The following PPFIBP2 variants were observed in gnomAD, a reference collection of about 807,000 sequenced individuals.
PPFIBP2 encodes PPFIB scaffold protein 2, also known as liprin-beta-2.
Under a neutral mutation model 118.3 loss-of-function variants are expected in PPFIBP2, and 118 were observed. The observed-to-expected ratio is 1.00, with a 90% confidence interval of 0.86 to 1.16. The LOEUF (loss-of-function observed/expected upper bound fraction) is 1.16, where lower values mean the gene tolerates loss of function less well. PPFIBP2 is among the 50% of genes most tolerant of loss of function. PPFIBP2 has a pLI of 0.00. For missense variants in PPFIBP2, 1,195 were observed against 1,073.1 expected (o/e 1.11, Z -1.59); for synonymous variants, 414 against 397.4 (o/e 1.04, Z -0.50).
At chr11:7,605,838 A>G (rs1462160624) in intron 5 of PPFIBP2, 2 of 1,383,216 alleles carry the variant, frequency 1.4e-6, no homozygotes, top group Non-Finnish European at 1.9e-6. Context: ...AAGCAAAGCA[A>G]ACACATTCTG....
At chr11:7,607,725 TC>T (rs975869626) in intron 5 of PPFIBP2, among the ~76,000 whole-genome samples, 15 of 152,212 alleles carry the variant, frequency 9.9e-5, no homozygotes, top group African/African-American at 3.4e-4. Flanking sequence ...TTGTTCCTTT[TC>T]CCCTTTGCAT....
chr11:7,660,860 C>T (rs1291039846), downstream of PPFIBP2, among the ~76,000 whole-genome samples: 1 of 151,826 alleles, frequency 6.6e-6, no homozygotes, highest in Admixed American at 6.6e-5. Context: ...TCAACTTCTT[C>T]CTGGTTTAGT....
chr11:7,572,925 G>A (rs964819765), intron 3 of PPFIBP2, among the ~76,000 whole-genome samples: 8 of 152,112 alleles, frequency 5.3e-5, no homozygotes, highest in African/African-American at 1.9e-4. Flanking sequence ...GATTGCAGTT[G>A]TGCACCACCA....
Position 7,642,397 on chromosome 11 carries a change from T to C in PPFIBP2, c.1617T>C (p.Ser539=). ...GLRATAGPRL[S]RTRDSKGQKS... ...GGGCAACCGCAGGGCCAAGACTCTC[T>C]AGGACCAGGGACTCCAAGGGACAGA... Residue 539 remains serine (S), a synonymous_variant, in exon 17 of 24, where the codon TCT becomes TCC. Coordinates refer to ENST00000299492, the MANE Select transcript of PPFIBP2 (RefSeq NM_003621.5). 1 of 1,613,958 alleles carries C rather than the reference T, an allele frequency of 6.2e-7. No individual in the cohort carries two copies. Among genetic ancestry groups the C allele is most frequent in the Non-Finnish European group, 8.5e-7 (1 of 1,179,900 alleles).
intron 8 of PPFIBP2, among the ~76,000 whole-genome samples, chr11:7,627,070 G>A (rs1850118077): frequency 6.6e-6 from 1 of 152,216 alleles, no homozygotes; most frequent in African/African-American, 2.4e-5. Flanking sequence ...AGTGCCCCAT[G>A]CCACAACTTC....
chr11:7,522,863 T>G (rs1474940329), intron 1 of PPFIBP2, among the ~76,000 whole-genome samples: 1 of 152,200 alleles, frequency 6.6e-6, no homozygotes, highest in African/African-American at 2.4e-5. Flanking sequence ...TGTATTAATT[T>G]TCTTCTGGGA....
At chr11:7,629,894 T>C (rs1044697626) in intron 10 of PPFIBP2, among the ~76,000 whole-genome samples, 1 of 152,202 alleles carries the variant, frequency 6.6e-6, no homozygotes, top group Non-Finnish European at 1.5e-5. Flanking sequence ...TCATTGGGGA[T>C]TAGAGCTCAT....
intron 9 of PPFIBP2, among the ~76,000 whole-genome samples, chr11:7,628,911 G>C (rs374706014): frequency 3.3e-5 from 5 of 152,224 alleles, no homozygotes; most frequent in African/African-American, 1.2e-4. Flanking sequence ...TTGGCCCAAG[G>C]TCAGGTAACT....
At chr11:7,530,928 TGGG>T (rs1392048553) in intron 1 of PPFIBP2, among the ~76,000 whole-genome samples, 2 of 152,148 alleles carry the variant, frequency 1.3e-5, no homozygotes, top group Non-Finnish European at 2.9e-5. Flanking sequence ...AGGAACTGTT[TGGG>T]TATCTTCTAT....
At chr11:7,565,856 C>A in intron 3 of PPFIBP2, 89 bp downstream of exon 3, 2 of 1,367,748 alleles carry the variant, frequency 1.5e-6, no homozygotes, top group Non-Finnish European at 2.0e-6. Context: ...GCTGTTGAGT[C>A]ATCTGTATAC....
At chr11:7,661,892 C>T (rs1590849775), downstream of PPFIBP2, among the ~76,000 whole-genome samples, 3 of 124,120 alleles carry the variant, frequency 2.4e-5, no homozygotes, top group East Asian at 4.2e-4. Flanking sequence ...ATCCCTTTAC[C>T]ATTATGTAAT....
At chr11:7,596,293 G>A (rs1299227895) in intron 4 of PPFIBP2, among the ~76,000 whole-genome samples, 1 of 152,096 alleles carries the variant, frequency 6.6e-6, no homozygotes, top group Non-Finnish European at 1.5e-5. Context: ...GTTAGTTCAG[G>A]ATGGCTGAGA....
At chr11:7,527,091 A>G (rs891685999) in intron 1 of PPFIBP2, among the ~76,000 whole-genome samples, 7 of 150,180 alleles carry the variant, frequency 4.7e-5, no homozygotes, top group Admixed American at 2.0e-4. Flanking sequence ...GTCCTCCTGG[A>G]TCACTCCCTT....
In PPFIBP2 at chr11:7,632,870, C is replaced by A. The variant is rs542443678; in HGVS notation, c.1072C>A (p.Pro358Thr). 5.6e-6 allele frequency: 9 copies of A among 1,613,106 alleles called. No homozygotes were observed. The South Asian group carries it at 9.9e-5, about 18-fold the overall frequency. ...GACTCTTCTGTCTCTGGTGCAGATG[C>A]CTCCAAGATGTAGCTCTCCTACAGT... Reference protein sequence around the residue: ...DPEELFKQEMPPRCSSPTVGP... With the variant: ...DPEELFKQEMTPRCSSPTVGP... The change falls in exon 12 of 24, where the codon CCT becomes ACT. Residue 358 changes from proline (P) to threonine (T), a missense_variant. Pro to Thr is a conservative substitution (Grantham distance 38). Coordinates refer to ENST00000299492, the MANE Select transcript of PPFIBP2 (RefSeq NM_003621.5).
intron 14 of PPFIBP2, among the ~76,000 whole-genome samples, chr11:7,637,125 C>CCT (rs1851553633): frequency 6.6e-6 from 1 of 152,242 alleles, no homozygotes; most frequent in Admixed American, 6.5e-5. Flanking sequence ...TCCCTCATGC[C>CCT]CTCTCTGAGT....
At chr11:7,580,383 T>G (rs925098656) in intron 3 of PPFIBP2, among the ~76,000 whole-genome samples, 1 of 152,208 alleles carries the variant, frequency 6.6e-6, no homozygotes, top group African/African-American at 2.4e-5. Context: ...CTTTTGAAGG[T>G]AGAAACACTA....
At chr11:7,575,493 C>T (rs913028507) in intron 3 of PPFIBP2, among the ~76,000 whole-genome samples, 1 of 152,182 alleles carries the variant, frequency 6.6e-6, no homozygotes, top group Non-Finnish European at 1.5e-5. Flanking sequence ...CACTGCACTC[C>T]TCCCAGGAGA....
At chr11:7,662,243 T>C in the PPFIBP2 span, among the ~76,000 whole-genome samples, 2 of 152,146 alleles carry the variant, frequency 1.3e-5, no homozygotes, top group Non-Finnish European at 2.9e-5. Flanking sequence ...TTCCTAGTCT[T>C]GATGGTCTTT....
chr11:7,617,195 G>A, intron 6 of PPFIBP2: 1 of 985,444 alleles, frequency 1.0e-6, no homozygotes, highest in Non-Finnish European at 1.2e-6. Flanking sequence ...AAGAGCGCCT[G>A]TTACTCAGTA....
Sources: allele counts gnomAD v4.1 joint callset (sites outside exome capture counted in the v4.1 genomes callset), GRCh38; gene constraint gnomAD v4.1.1; transcripts MANE v1.5; gene names NCBI Gene and HGNC (gene_info 2026-07-23, HGNC 2026-07-21).